The following TMEM117 variants were observed in gnomAD, a reference collection of about 807,000 sequenced individuals.
TMEM117 encodes transmembrane protein 117.
A neutral mutation model predicts 52.4 loss-of-function variants in TMEM117; 27 were observed. The observed-to-expected ratio is 0.51, with a 90% CI of 0.38 to 0.71. TMEM117 has a LOEUF of 0.71. Among genes scored for constraint, TMEM117 ranks in the 30% least tolerant of loss-of-function variants. The pLI, the probability that TMEM117 is intolerant of heterozygous loss-of-function variation, is 0.00. For synonymous variants in TMEM117, 215 were observed against 206.3 expected, an observed-to-expected ratio of 1.04 and a Z score of -0.36; for missense variants, 556 against 630.5, an observed-to-expected ratio of 0.88 and a Z score of 1.26.
downstream of TMEM117, among the ~76,000 whole-genome samples, chr12:44,390,761 A>G (rs1219179751): frequency 1.3e-5 from 2 of 152,260 alleles, no homozygotes; most frequent in East Asian, 1.9e-4. Context: ...AATTGTATAT[A>G]CTGATAGTGA....
In TMEM117 at chr12:44,330,558, C is replaced by G. The variant is rs568923920; in HGVS notation, c.768+30819C>G. On this transcript the variant is annotated intron_variant, in intron 6 of 7. Coordinates refer to ENST00000266534, the MANE Select transcript of TMEM117 (RefSeq NM_032256.3). Reference sequence around the variant, plus strand: ...TGAGATATTTTACATTTTTTTCATACTAAGTTGTTAGTGTGCATTTTATAC... The same window carrying G: ...TGAGATATTTTACATTTTTTTCATAGTAAGTTGTTAGTGTGCATTTTATAC... 4.9e-4 allele frequency among the ~76,000 whole-genome samples: 75 copies of G among 152,036 alleles called. No individual in the cohort carries two copies. In the South Asian group the frequency reaches 5.4e-3, roughly 11 times the overall value.
At chr12:43,912,507 T>TTTTA (rs1209075111) in intron 2 of TMEM117, among the ~76,000 whole-genome samples, 3 of 132,086 alleles carry the variant, frequency 2.3e-5, no homozygotes, top group African/African-American at 1.2e-4. Flanking sequence ...TAATAATAAT[T>TTTTA]TATATATATA....
intron 4 of TMEM117, among the ~76,000 whole-genome samples, chr12:44,177,902 T>C (rs1290441853): frequency 6.6e-6 from 1 of 152,192 alleles, no homozygotes; most frequent in Non-Finnish European, 1.5e-5. Context: ...CTCCTTACAG[T>C]GACACCCAAA....
At chr12:44,058,647 A>T (rs1947093540) in intron 3 of TMEM117, among the ~76,000 whole-genome samples, 1 of 152,208 alleles carries the variant, frequency 6.6e-6, no homozygotes, top group Admixed American at 6.5e-5. Context: ...CTTCTGTGCG[A>T]AGGAAGTGGT....
At position 44,276,908 on chromosome 12, in the gene TMEM117, A is replaced by ATGTGTGTGTGTG. The variant is rs754059220; in HGVS notation, c.609-22658_609-22647dup. 1.9e-3 allele frequency among the ~76,000 whole-genome samples: 268 copies of ATGTGTGTGTGTG among 143,726 alleles called. 1 individual carries two copies. The highest frequency in any genetic ancestry group is 6.6e-3 in the African/African-American group (264 of 39,824). The allele number at this position is 143,726 out of a possible 152,430, so 94.3% of individuals were successfully genotyped here. On this transcript the variant is annotated intron_variant, in intron 5 of 7. Coordinates refer to ENST00000266534, the MANE Select transcript of TMEM117 (RefSeq NM_032256.3). ...GAAAAGTTTGTGTGTGTGTGTGTGT[A>ATGTGTGTGTGTG]TGTGTGTGTGTGTGTGTGTGTGTGT...
Position 44,069,757 on chromosome 12 carries a change from A to G in TMEM117, c.411-73768A>G, listed in dbSNP as rs934035725. Among the ~76,000 whole-genome samples the G allele has an allele frequency of 7.9e-5, 12 of 152,360 alleles. 1 individual carries two copies. Among genetic ancestry groups the G allele is most frequent in the African/African-American group, 2.9e-4 (12 of 41,586 alleles). On this transcript the variant is annotated intron_variant, in intron 3 of 7. Transcript: ENST00000266534. ...TATATTTGTCTGTAAGCAACAAAAT[A>G]TCTGACTAATAGTAATTTAAACAAA...
chr12:43,906,475 A>AG (rs1555183100), intron 2 of TMEM117, among the ~76,000 whole-genome samples: 3 of 151,090 alleles, frequency 2.0e-5, no homozygotes, highest in African/African-American at 7.3e-5. Context: ...AAAAAAAAAA[A>AG]GAAAGCGGGG....
At chr12:44,332,413 C>T (rs1466392688) in intron 6 of TMEM117, among the ~76,000 whole-genome samples, 2 of 151,858 alleles carry the variant, frequency 1.3e-5, no homozygotes, top group African/African-American at 4.8e-5. Context: ...AACAACTGGA[C>T]CAAAGGAAAA....
chr12:43,949,507 T>G (rs949109931), intron 3 of TMEM117, among the ~76,000 whole-genome samples: 3 of 152,334 alleles, frequency 2.0e-5, no homozygotes, highest in Middle Eastern at 6.8e-3. Context: ...GAAGGTCATA[T>G]ACTAGTTAAA....
chr12:44,040,573 A>G (rs967244908), intron 3 of TMEM117, among the ~76,000 whole-genome samples: 6 of 152,236 alleles, frequency 3.9e-5, no homozygotes, highest in Middle Eastern at 3.4e-3. Context: ...GGACTGTTCT[A>G]TCATCTGAAA....
At chr12:44,338,612 T>A (rs1005055801) in intron 6 of TMEM117, among the ~76,000 whole-genome samples, 4 of 151,880 alleles carry the variant, frequency 2.6e-5, no homozygotes, top group East Asian at 1.9e-4. Flanking sequence ...TAAAAAAAAA[T>A]ATAAATGAGA....
chr12:44,095,443 A>T (rs2138056331), intron 3 of TMEM117, among the ~76,000 whole-genome samples: 1 of 152,226 alleles, frequency 6.6e-6, no homozygotes, highest in South Asian at 2.1e-4. Flanking sequence ...AAATTTCTGC[A>T]AATAGAAATT....
At chr12:44,265,786 T>C (rs1950370804) in intron 5 of TMEM117, among the ~76,000 whole-genome samples, 1 of 152,124 alleles carries the variant, frequency 6.6e-6, no homozygotes, top group South Asian at 2.1e-4. Flanking sequence ...CTGGAAAACA[T>C]CAGTCTGTGT....
At chr12:44,220,408 T>A (rs1949772793) in intron 5 of TMEM117, among the ~76,000 whole-genome samples, 1 of 152,190 alleles carries the variant, frequency 6.6e-6, no homozygotes, top group South Asian at 2.1e-4. Flanking sequence ...TATGAATTCA[T>A]GTTTAGCTTA....
In TMEM117 at chr12:43,927,635, G is replaced by A. The variant is rs556729473; in HGVS notation, c.278-16575G>A. On this transcript the variant is annotated intron_variant, in intron 2 of 7. Coordinates refer to ENST00000266534, the MANE Select transcript of TMEM117 (RefSeq NM_032256.3). ...TTTAAAATCATTCTATTTACCTGGA[G>A]AATTTATTATTTGTTATTATGTAAT... Among the ~76,000 whole-genome samples, 18 of 151,726 alleles carry A rather than the reference G, an allele frequency of 1.2e-4. No individual in the cohort carries two copies. The East Asian group carries it at 3.5e-3, about 29-fold the overall frequency.
chr12:43,992,893 T>G (rs940078321), intron 3 of TMEM117, among the ~76,000 whole-genome samples: 1 of 152,222 alleles, frequency 6.6e-6, no homozygotes, highest in Non-Finnish European at 1.5e-5. Flanking sequence ...CCCAAGAGGC[T>G]TGAGGTTAAA....
In TMEM117 at chr12:44,299,050, T is replaced by G. The variant is rs547183171; in HGVS notation, c.609-530T>G. Among the ~76,000 whole-genome samples the G allele has an allele frequency of 3.3e-5, 5 of 150,800 alleles. No homozygotes were observed. In the South Asian group the frequency reaches 8.3e-4, roughly 25 times the overall value. Reference sequence around the variant, plus strand: ...CACTAACCAAAGTCATTTTTAATATTGTTGTTGTTAATTATTTGTTCCATA... The same window carrying G: ...CACTAACCAAAGTCATTTTTAATATGGTTGTTGTTAATTATTTGTTCCATA... On this transcript the variant is annotated intron_variant, in intron 5 of 7. Coordinates refer to ENST00000266534, the MANE Select transcript of TMEM117 (RefSeq NM_032256.3).
chr12:44,298,801 G>A (rs1021059597), intron 5 of TMEM117, among the ~76,000 whole-genome samples: 2 of 150,766 alleles, frequency 1.3e-5, no homozygotes, highest in African/African-American at 5.0e-5. Flanking sequence ...CTACATTATT[G>A]GCTTTTAGAG....
chr12:44,274,207 G>A (rs868006961), intron 5 of TMEM117, among the ~76,000 whole-genome samples: 1 of 151,774 alleles, frequency 6.6e-6, no homozygotes, highest in South Asian at 2.1e-4. Flanking sequence ...AATCCCAGTG[G>A]CCACACACAC....
Sources: gnomAD v4.1 joint callset for allele counts (sites outside exome capture counted in the v4.1 genomes callset) on GRCh38, gnomAD v4.1.1 for gene constraint, MANE v1.5 for transcripts, NCBI Gene and HGNC (gene_info 2026-07-23, HGNC 2026-07-21) for gene names.